Variants in RAMP1 observed in about 807,000 individuals in gnomAD.
The protein encoded by RAMP1 is receptor activity modifying protein 1.
RAMP1 carries 7 observed loss-of-function variants against 8.2 expected under a neutral mutation model. The observed-to-expected ratio is 0.85, with a 90% CI of 0.49 to 1.60. The LOEUF (loss-of-function observed/expected upper bound fraction) is 1.60, where lower values mean the gene tolerates loss of function less well. Ranked by LOEUF, RAMP1 falls within the 40% of genes most tolerant of loss-of-function variation. The probability of loss-of-function intolerance (pLI) is 0.00; values close to 1 mark genes in which losing one functional copy is unlikely to be tolerated. For synonymous variants in RAMP1, 92 were observed against 84.7 expected (o/e 1.09, Z -0.47); for missense variants, 192 against 202.4 (o/e 0.95, Z 0.31).
intron 2 of RAMP1, among the ~76,000 whole-genome samples, chr2:237,888,277 A>C (rs539263651): frequency 1.9e-4 from 28 of 150,904 alleles, no homozygotes; most frequent in African/African-American, 6.3e-4. Context: ...CTGGTCTCAA[A>C]CTCCTGATCT....
At chr2:237,871,462 C>G (rs1039788455) in intron 1 of RAMP1, among the ~76,000 whole-genome samples, 1 of 152,166 alleles carries the variant, frequency 6.6e-6, no homozygotes, top group Non-Finnish European at 1.5e-5. Context: ...AGATGCTCAC[C>G]GGGGACAGAG....
chr2:237,881,099 A>G (rs1375634969), intron 2 of RAMP1, among the ~76,000 whole-genome samples: 3 of 152,172 alleles, frequency 2.0e-5, no homozygotes, highest in Admixed American at 6.5e-5. Context: ...TATCTTTTGC[A>G]TAAATGAGCA....
At chr2:237,895,487 G>A (rs528446915) in intron 2 of RAMP1, among the ~76,000 whole-genome samples, 12 of 152,328 alleles carry the variant, frequency 7.9e-5, no homozygotes, top group African/African-American at 2.9e-4. Context: ...CCCACACTCA[G>A]TGTTGCCCTG....
intron 2 of RAMP1, among the ~76,000 whole-genome samples, chr2:237,890,699 C>G (rs2062479324): frequency 6.6e-6 from 1 of 152,218 alleles, no homozygotes; most frequent in South Asian, 2.1e-4. Context: ...CTTCAGATTT[C>G]TCAGTTAACT....
At position 237,878,513 on chromosome 2, in the gene RAMP1, A is replaced by AG. The variant is rs1044369568; in HGVS notation, c.191+1153dup. ...GAAAGCCCACGGCTGGGAGGCCCTGAGGCTGGGTGGCTCCCACTGCCCCTC... is the reference window on the plus strand; with the variant it reads ...GAAAGCCCACGGCTGGGAGGCCCTGAGGGCTGGGTGGCTCCCACTGCCCCTC... On this transcript the variant is annotated intron_variant, in intron 2 of 2. Transcript: ENST00000254661. This position sits in a 1 kb window ranked among gnomAD's most constrained non-coding sequence, Gnocchi z 5.7. Among the ~76,000 whole-genome samples the AG allele has an allele frequency of 6.6e-6, 1 of 152,186 alleles. No homozygotes were observed. The highest frequency in any genetic ancestry group is 1.5e-5 in the Non-Finnish European group (1 of 68,020).
At chr2:237,872,208 G>A (rs302678) in intron 1 of RAMP1, among the ~76,000 whole-genome samples, 57,423 of 152,108 alleles carry the variant, frequency 0.38, 12,673 homozygotes, top group Non-Finnish European at 0.5. Context: ...CTGGCACGGG[G>A]AGGAGAGGCG....
At chr2:237,863,901 C>T (rs548161254) in intron 1 of RAMP1, among the ~76,000 whole-genome samples, 3 of 152,192 alleles carry the variant, frequency 2.0e-5, no homozygotes, top group South Asian at 2.1e-4. Context: ...CTGTGCCCTC[C>T]GCCAGGGTCA....
intron 1 of RAMP1, among the ~76,000 whole-genome samples, chr2:237,864,455 T>C (rs1025667393): frequency 1.1e-4 from 16 of 152,206 alleles, no homozygotes; most frequent in African/African-American, 2.7e-4. Flanking sequence ...GGGATTTTCT[T>C]GCCTCTGGAG....
rs536284253 is a variant in RAMP1 at position 237,911,832 on chromosome 2, A to C, written c.*49A>C. The C allele has an allele frequency of 6.5e-7, 1 of 1,543,044 alleles. No individual in the cohort carries two copies. Among genetic ancestry groups the C allele is most frequent in the African/African-American group, 1.4e-5 (1 of 73,262 alleles). Reference sequence around the variant, plus strand: ...TGCACCCAGGCTGCAGGGTGAGGCCAGGCAGGCCTGGGTAGGGGCAGCTTC... The same window carrying C: ...TGCACCCAGGCTGCAGGGTGAGGCCCGGCAGGCCTGGGTAGGGGCAGCTTC... On this transcript the variant is annotated 3_prime_UTR_variant, in exon 3 of 3. Coordinates refer to ENST00000254661, the MANE Select transcript of RAMP1 (RefSeq NM_005855.4).
intron 1 of RAMP1, among the ~76,000 whole-genome samples, chr2:237,876,901 C>T (rs1290361327): frequency 6.6e-6 from 1 of 152,172 alleles, no homozygotes; most frequent in African/African-American, 2.4e-5. Context: ...GGAACAGGGG[C>T]AGCCAGAGAC....
chr2:237,877,864 C>A lies in RAMP1; in HGVS notation c.191+502C>A, dbSNP rs1467274666. On this transcript the variant is annotated intron_variant, in intron 2 of 2. Coordinates refer to ENST00000254661, the MANE Select transcript of RAMP1 (RefSeq NM_005855.4). The surrounding 1 kb of genome is among the most constrained non-coding windows in gnomAD (Gnocchi z 4.4). Reference sequence around the variant, plus strand: ...CCCCAGCAGGACGGCTTCAGCCGAACCCTTCCCCACCTGGCCCGATCCTCC... The same window carrying A: ...CCCCAGCAGGACGGCTTCAGCCGAAACCTTCCCCACCTGGCCCGATCCTCC... 3 of 758,040 alleles carry A rather than the reference C, an allele frequency of 4.0e-6. 1 individual carries two copies. Among genetic ancestry groups the A allele is most frequent in the South Asian group, 1.2e-4 (2 of 16,726 alleles). The allele number at this position is 758,040 out of a possible 1,614,324, so 47.0% of individuals were successfully genotyped here.
At chr2:237,889,652 A>G (rs1438287762) in intron 2 of RAMP1, among the ~76,000 whole-genome samples, 1 of 152,100 alleles carries the variant, frequency 6.6e-6, no homozygotes, top group Admixed American at 6.6e-5. Flanking sequence ...TTTTCTGCCT[A>G]TTTTTCCAAA....
intron 1 of RAMP1, among the ~76,000 whole-genome samples, chr2:237,873,632 G>A (rs528330733): frequency 3.9e-5 from 6 of 152,198 alleles, no homozygotes; most frequent in Admixed American, 1.3e-4. Context: ...AGTGAGGAGC[G>A]CAGCCGTCTA....
At chr2:237,880,833 A>G (rs2062361909) in intron 2 of RAMP1, among the ~76,000 whole-genome samples, 1 of 152,240 alleles carries the variant, frequency 6.6e-6, no homozygotes, top group African/African-American at 2.4e-5. Context: ...CACATCTCCC[A>G]AATACCCCCA....
At chr2:237,909,192 G>A (rs1222817620) in intron 2 of RAMP1, among the ~76,000 whole-genome samples, 1 of 152,170 alleles carries the variant, frequency 6.6e-6, no homozygotes, top group Non-Finnish European at 1.5e-5. Context: ...GCCAGATCTG[G>A]CCACCGAGGG....
rs148133196 is a variant in RAMP1 at position 237,878,870 on chromosome 2, G to T, written c.191+1508G>T. On this transcript the variant is annotated intron_variant, in intron 2 of 2. Transcript: ENST00000254661. This position sits in a 1 kb window ranked among gnomAD's most constrained non-coding sequence, Gnocchi z 5.7. ...TTCAGGTGGGAGAGTTGGTGCTCCC[G>T]AAGGTGGGAGGGCCAAAGTCACGGC... Among the ~76,000 whole-genome samples the T allele has an allele frequency of 5.4e-4, 82 of 152,340 alleles. 1 individual carries two copies. In the East Asian group the frequency reaches 0.015, roughly 28 times the overall value.
At chr2:237,869,298 A>C (rs1022041522) in intron 1 of RAMP1, among the ~76,000 whole-genome samples, 1 of 152,246 alleles carries the variant, frequency 6.6e-6, no homozygotes, top group Non-Finnish European at 1.5e-5. Context: ...ACCACATAAA[A>C]TGTACCATCT....
chr2:237,863,136 C>T (rs1212006438), intron 1 of RAMP1, among the ~76,000 whole-genome samples: 1 of 152,122 alleles, frequency 6.6e-6, no homozygotes, highest in East Asian at 1.9e-4. Context: ...CACTGGGGAC[C>T]CAGGGAGGCC....
intron 2 of RAMP1, among the ~76,000 whole-genome samples, chr2:237,896,272 C>G (rs1260472805): frequency 2.0e-5 from 3 of 152,242 alleles, no homozygotes; most frequent in African/African-American, 7.2e-5. Flanking sequence ...CCTGCTGTGG[C>G]TGCTCTGTGG....
Sources: gnomAD v4.1 joint callset for allele counts (sites outside exome capture counted in the v4.1 genomes callset) on GRCh38, gnomAD v4.1.1 for gene constraint, Gnocchi (gnomAD v3.1) non-coding constraint, MANE v1.5 for transcripts, NCBI Gene and HGNC (gene_info 2026-07-23, HGNC 2026-07-21) for gene names.